CFAP221: variants seen among roughly 807,000 people sequenced by gnomAD.
The protein encoded by CFAP221 is cilia and flagella associated protein 221, also known as cilia- and flagella-associated protein 221.
In CFAP221, 97 loss-of-function variants were observed where a neutral mutation model predicts 113.1. The observed-to-expected ratio is 0.86, with a 90% CI of 0.73 to 1.02. CFAP221 has a LOEUF of 1.02. Ranked by LOEUF, CFAP221 falls within the 50% of genes least tolerant of loss-of-function variation. CFAP221 has a pLI of 0.00. For missense variants in CFAP221, 1,025 were observed against 1,013.4 expected (o/e 1.01, Z -0.16); for synonymous variants, 331 against 354.4 (o/e 0.93, Z 0.74).
Position 119,559,708 on chromosome 2 carries a change from ATGAAGACACACG to A in CFAP221, c.263_274del (p.Glu88_Arg91del). On this transcript the variant is annotated inframe_deletion, in exon 4 of 24. Coordinates refer to ENST00000413369, the MANE Select transcript of CFAP221 (RefSeq NM_001271049.2). ...TCCCAGCATCTGGTCAATGTTTCCA[ATGAAGACACACG>A]TGTTCATATTTTACCCCCGCAAACC... 1 of 1,531,386 alleles carries A rather than the reference ATGAAGACACACG, an allele frequency of 6.5e-7. No individual in the cohort carries two copies. The highest frequency in any genetic ancestry group is 8.8e-7 in the Non-Finnish European group (1 of 1,142,700). The allele number at this position is 1,531,386 out of a possible 1,614,324, so 94.9% of individuals were successfully genotyped here.
At position 119,583,644 on chromosome 2, in the gene CFAP221, A is replaced by G. The variant is rs886341953; in HGVS notation, c.528-3475A>G. Among the ~76,000 whole-genome samples the G allele has an allele frequency of 4.6e-5, 7 of 152,320 alleles. No homozygotes were observed. In the East Asian group the frequency reaches 1.3e-3, roughly 29 times the overall value. ...TTCACTATGATACAGAAGCTATAAG[A>G]TACCTGGTGCTATGGTCTGAATGTT... is the stretch of plus-strand genomic sequence containing the variant. On this transcript the variant is annotated intron_variant, in intron 6 of 23. Transcript: ENST00000413369.
intron 13 of CFAP221, among the ~76,000 whole-genome samples, chr2:119,614,525 T>A (rs1173764879): frequency 6.6e-6 from 1 of 152,208 alleles, no homozygotes; most frequent in African/African-American, 2.4e-5. Flanking sequence ...CTTCTTCTCA[T>A]GGCTGCAGAA....
intron 6 of CFAP221, among the ~76,000 whole-genome samples, chr2:119,570,123 A>G (rs1681937865): frequency 6.6e-6 from 1 of 152,206 alleles, no homozygotes; most frequent in Non-Finnish European, 1.5e-5. Flanking sequence ...ATGTGTTGGT[A>G]AAGTCACAGC....
At chr2:119,586,515 A>G (rs1683233656) in intron 6 of CFAP221, among the ~76,000 whole-genome samples, 1 of 151,966 alleles carries the variant, frequency 6.6e-6, no homozygotes, top group Non-Finnish European at 1.5e-5. Flanking sequence ...GAATACATAG[A>G]CCTCCTCCAC....
At chr2:119,577,525 A>C (rs1682535433) in intron 6 of CFAP221, among the ~76,000 whole-genome samples, 1 of 152,168 alleles carries the variant, frequency 6.6e-6, no homozygotes, top group Non-Finnish European at 1.5e-5. Flanking sequence ...AGAGACCTAC[A>C]AGAGGGGCTA....
intron 3 of CFAP221, among the ~76,000 whole-genome samples, chr2:119,555,575 A>T (rs1359506945): frequency 2.6e-5 from 4 of 152,122 alleles, no homozygotes; most frequent in Non-Finnish European, 5.9e-5. Flanking sequence ...CCCTGAAGGG[A>T]TATTATTTAT....
chr2:119,608,719 T>C (rs1521915), intron 12 of CFAP221, 130 bp downstream of exon 12: 24,839 of 742,554 alleles, frequency 0.033, 529 homozygotes, highest in Non-Finnish European at 0.042. Context: ...GACAAGTAAA[T>C]TGTCAACCAT....
intron 23 of CFAP221, among the ~76,000 whole-genome samples, chr2:119,655,600 A>G (rs866128093): frequency 6.6e-6 from 1 of 152,174 alleles, no homozygotes; most frequent in South Asian, 2.1e-4. Context: ...GTCTTTGAAC[A>G]AGACATATGG....
chr2:119,601,486 A>C (rs1421339406), intron 8 of CFAP221, 109 bp downstream of exon 8: 12 of 1,022,546 alleles, frequency 1.2e-5, no homozygotes, highest in African/African-American at 1.6e-5. Flanking sequence ...TCAAAAACTT[A>C]TTTAAAATGA....
downstream of CFAP221, among the ~76,000 whole-genome samples, chr2:119,659,064 G>C (rs1004938186): frequency 5.3e-5 from 8 of 151,614 alleles, 1 homozygote; most frequent in African/African-American, 1.9e-4. Flanking sequence ...CAACACCTGG[G>C]GTTTGTTTTG....
At chr2:119,633,125 A>T (rs530733166) in intron 19 of CFAP221, among the ~76,000 whole-genome samples, 2 of 152,204 alleles carry the variant, frequency 1.3e-5, no homozygotes, top group South Asian at 4.1e-4. Context: ...TAATCTTTCA[A>T]CAAATAATGT....
At chr2:119,553,345 G>C (rs894260996) in intron 3 of CFAP221, among the ~76,000 whole-genome samples, 1 of 152,180 alleles carries the variant, frequency 6.6e-6, no homozygotes, top group African/African-American at 2.4e-5. Flanking sequence ...GGATGGTAGG[G>C]CTTTGGAGCG....
rs1208145432 is a variant in CFAP221 at position 119,601,236 on chromosome 2, G to A, written c.650G>A (p.Gly217Glu). 2 of 1,525,540 alleles carry A rather than the reference G, an allele frequency of 1.3e-6. No individual in the cohort carries two copies. Among genetic ancestry groups the A allele is most frequent in the South Asian group, 2.4e-5 (2 of 82,644 alleles). 94.5% of individuals were successfully genotyped at this position (1,525,540 alleles called of 1,614,324 possible). The change falls in exon 8 of 24, where the codon GGG (glycine) becomes GAG (glutamate). Residue 217 changes from glycine (G) to glutamate (E), a missense_variant. Gly to Glu is a moderately conservative substitution (Grantham distance 98). Transcript: ENST00000413369. ...CTCTCAGGAATAATTCCGGCTAATG[G>A]GAAGATGACTGTGACTATTAAGTTT... ...EPTSGIIPAN[G>E]KMTVTIKFTP... is the part of the protein sequence containing the mutation.
intron 13 of CFAP221, 38 bp from the exon 14 acceptor site, chr2:119,615,567 GTTAAAA>G (rs1685464270): frequency 4.3e-6 from 6 of 1,390,110 alleles, no homozygotes; most frequent in Non-Finnish European, 5.9e-6. Flanking sequence ...TATGACAGGA[GTTAAAA>G]TTTAAATGTA....
intron 7 of CFAP221, among the ~76,000 whole-genome samples, chr2:119,593,401 G>A (rs1434157118): frequency 6.6e-6 from 1 of 152,212 alleles, no homozygotes; most frequent in Non-Finnish European, 1.5e-5. Context: ...TCTGTAGGAT[G>A]TACAGGAAGC....
chr2:119,630,062 A>G, intron 17 of CFAP221, 107 bp downstream of exon 17: 7 of 875,556 alleles, frequency 8.0e-6, no homozygotes, highest in Non-Finnish European at 1.2e-5. Context: ...GGTAGATTAG[A>G]CTGTGTGGCA....
chr2:119,546,040 C>T (rs2104997619), intron 1 of CFAP221, 45 bp from the exon 2 acceptor site: 2 of 1,314,950 alleles, frequency 1.5e-6, no homozygotes, highest in Non-Finnish European at 1.0e-6. Flanking sequence ...AAAAAATGTG[C>T]GTGGTTTCTC....
chr2:119,647,136 C>A, intron 22 of CFAP221, 86 bp downstream of exon 22: 1 of 1,007,204 alleles, frequency 9.9e-7, no homozygotes, highest in Non-Finnish European at 1.5e-6. Context: ...TTCAGAATAG[C>A]ACACAGTTCC....
rs79793810 is a variant in CFAP221, at chr2:119,549,463, T to C, written c.240+278T>C. On this transcript the variant is annotated intron_variant, in intron 3 of 23. Transcript: ENST00000413369. The stretch of plus-strand genomic sequence containing the variant: ...CAGATGCTGTGCTTCATGATTTACA[T>C]GATTTAATTTAATCCTTATGCTAGC... Among the ~76,000 whole-genome samples the C allele has an allele frequency of 5.9e-5, 9 of 152,368 alleles. No homozygotes were observed. The East Asian group carries it at 1.7e-3, about 29-fold the overall frequency.
Sources: allele counts gnomAD v4.1 joint callset (sites outside exome capture counted in the v4.1 genomes callset), GRCh38; gene constraint gnomAD v4.1.1; transcripts MANE v1.5; gene names NCBI Gene and HGNC (gene_info 2026-07-23, HGNC 2026-07-21).